SORCS3: variants seen among roughly 807,000 people sequenced by gnomAD.
SORCS3 encodes VPS10 domain-containing receptor SorCS3.
Under a neutral mutation model 146.3 loss-of-function variants are expected in SORCS3, and 57 were observed. The observed-to-expected ratio is 0.39, with a 90% CI of 0.31 to 0.49. The LOEUF is 0.49. Ranked by LOEUF, SORCS3 falls within the 20% of genes least tolerant of loss-of-function variation. SORCS3 has a pLI of 0.92. For synonymous variants in SORCS3, 653 were observed against 618.5 expected (o/e 1.06, Z -0.83); for missense variants, 1,341 against 1,575.5 (o/e 0.85, Z 2.52).
At chr10:105,007,559 G>C (rs1330788000) in intron 4 of SORCS3, among the ~76,000 whole-genome samples, 1 of 152,108 alleles carries the variant, frequency 6.6e-6, no homozygotes, top group Non-Finnish European at 1.5e-5. Context: ...TTGTGAGAGG[G>C]AAGAAAGTGA....
intron 1 of SORCS3, among the ~76,000 whole-genome samples, chr10:104,777,905 A>G (rs979389441): frequency 2.0e-5 from 3 of 152,136 alleles, no homozygotes; most frequent in Non-Finnish European, 4.4e-5. Flanking sequence ...ATCAATTTTT[A>G]CTGGGGTGAG....
chr10:104,801,646 G>A (rs2017625332), intron 1 of SORCS3, among the ~76,000 whole-genome samples: 1 of 152,008 alleles, frequency 6.6e-6, no homozygotes, highest in Non-Finnish European at 1.5e-5. Flanking sequence ...GTAAGATATG[G>A]ATCTGTTGCT....
At chr10:105,252,068 T>G (rs1203691610) in intron 22 of SORCS3, among the ~76,000 whole-genome samples, 1 of 152,196 alleles carries the variant, frequency 6.6e-6, no homozygotes, top group Non-Finnish European at 1.5e-5. Context: ...TACTGGAGGT[T>G]TTCCCCTTTA....
At chr10:104,646,766 A>G (rs767173615) in intron 1 of SORCS3, among the ~76,000 whole-genome samples, 15 of 152,016 alleles carry the variant, frequency 9.9e-5, no homozygotes, top group Non-Finnish European at 1.8e-4. Context: ...CTTGTGGAGG[A>G]GGAGGTGGGA....
Position 104,898,522 on chromosome 10 carries a change from C to A in SORCS3, c.696-17311C>A, listed in dbSNP as rs371985903. 7.9e-5 allele frequency among the ~76,000 whole-genome samples: 12 copies of A among 152,308 alleles called. No homozygotes were observed. The East Asian group carries it at 1.7e-3, about 22-fold the overall frequency. The stretch of plus-strand genomic sequence containing the variant: ...CTAATTTCAAAACCCTGGAACCTCA[C>A]TGTTATATTCCTGTGGCAGGGACTG... On this transcript the variant is annotated intron_variant, in intron 2 of 26. Coordinates refer to ENST00000369701, the MANE Select transcript of SORCS3 (RefSeq NM_014978.3).
At chr10:105,018,836 T>C (rs11598106) in intron 4 of SORCS3, among the ~76,000 whole-genome samples, 25,852 of 152,018 alleles carry the variant, frequency 0.17, 2,355 homozygotes, top group Middle Eastern at 0.21. Context: ...CTCAAACTTA[T>C]ATTATTGGTT....
intron 2 of SORCS3, among the ~76,000 whole-genome samples, chr10:104,875,736 A>C (rs1398510232): frequency 1.3e-5 from 2 of 152,142 alleles, no homozygotes; most frequent in Admixed American, 6.5e-5. Flanking sequence ...AGATGGTCTC[A>C]TGGGCTCAAT....
chr10:104,646,080 A>G (rs1023064787), intron 1 of SORCS3, among the ~76,000 whole-genome samples: 5 of 152,240 alleles, frequency 3.3e-5, no homozygotes, highest in African/African-American at 4.8e-5. Context: ...TAGCTGGGAA[A>G]TGCATGGGGA....
At chr10:105,167,621 G>A (rs2056324826) in intron 13 of SORCS3, among the ~76,000 whole-genome samples, 1 of 152,138 alleles carries the variant, frequency 6.6e-6, no homozygotes, top group South Asian at 2.1e-4. Context: ...TGCAGTTCAA[G>A]TAGCCAAGAT....
intron 1 of SORCS3, among the ~76,000 whole-genome samples, chr10:104,758,519 C>A (rs1317840402): frequency 9.2e-5 from 14 of 152,090 alleles, no homozygotes; most frequent in Non-Finnish European, 2.1e-4. Context: ...TGTCTAACTT[C>A]TCATTTTGCA....
intron 1 of SORCS3, among the ~76,000 whole-genome samples, chr10:104,676,510 A>G (rs2015914941): frequency 6.6e-6 from 1 of 152,256 alleles, no homozygotes; most frequent in Non-Finnish European, 1.5e-5. Flanking sequence ...GTAAAGGAGT[A>G]TGTAAAATAG....
rs116984041 is a variant in SORCS3, at chr10:104,677,186, A to T, written c.627+35232A>T. 2.5e-3 allele frequency among the ~76,000 whole-genome samples: 385 copies of T among 152,274 alleles called. 8 individuals carry two copies. In the South Asian group the frequency reaches 0.029, roughly 11 times the overall value. On this transcript the variant is annotated intron_variant, in intron 1 of 26. Coordinates refer to ENST00000369701, the MANE Select transcript of SORCS3 (RefSeq NM_014978.3). The stretch of plus-strand genomic sequence containing the variant: ...ACCTTTTGTGGTGACAGTCACATTT[A>T]TCTCCTGTGGCTGTGGACTCCATTT...
intron 3 of SORCS3, among the ~76,000 whole-genome samples, chr10:104,976,354 C>T (rs575763142): frequency 3.3e-5 from 5 of 152,270 alleles, no homozygotes; most frequent in African/African-American, 1.2e-4. Context: ...ATCAAAACCA[C>T]AATGAGATAC....
intron 14 of SORCS3, among the ~76,000 whole-genome samples, chr10:105,198,598 C>T (rs937260202): frequency 6.6e-6 from 1 of 152,160 alleles, no homozygotes; most frequent in African/African-American, 2.4e-5. Flanking sequence ...TTGGAAACCA[C>T]TGGATTTACC....
intron 1 of SORCS3, among the ~76,000 whole-genome samples, chr10:104,642,547 T>G (rs1264826183): frequency 6.6e-6 from 1 of 151,824 alleles, no homozygotes; most frequent in Non-Finnish European, 1.5e-5. Context: ...GGCCTTCAGG[T>G]AACCCCGGTT....
In SORCS3 at chr10:105,178,966, C is replaced by T. The variant is rs182584598; in HGVS notation, c.2009+793C>T. 2.2e-3 allele frequency among the ~76,000 whole-genome samples: 341 copies of T among 152,274 alleles called. 1 individual carries two copies. The highest frequency in any genetic ancestry group is 7.8e-3 in the African/African-American group (325 of 41,566). ...GGTGGAAGGGTGTATGATCTTCCTA[C>T]GCTTAGGGACACTGCTCTTGTTTTA... On this transcript the variant is annotated intron_variant, in intron 14 of 26. Transcript: ENST00000369701.
At chr10:104,751,757 G>A (rs1238182532) in intron 1 of SORCS3, among the ~76,000 whole-genome samples, 1 of 151,322 alleles carries the variant, frequency 6.6e-6, no homozygotes, top group African/African-American at 2.4e-5. Context: ...ATAGCTCTGT[G>A]TCTGCTCACT....
intron 4 of SORCS3, among the ~76,000 whole-genome samples, chr10:104,984,230 C>A (rs2054949082): frequency 6.6e-6 from 1 of 152,146 alleles, no homozygotes; most frequent in Non-Finnish European, 1.5e-5. Context: ...GAGAACTAGA[C>A]TAAACCAAAT....
chr10:105,248,980 T>C (rs914209724), intron 22 of SORCS3, among the ~76,000 whole-genome samples: 9 of 152,146 alleles, frequency 5.9e-5, no homozygotes, highest in African/African-American at 2.2e-4. Flanking sequence ...CAATGCATAG[T>C]TGGGGAGACA....
Sources: allele counts gnomAD v4.1 joint callset (sites outside exome capture counted in the v4.1 genomes callset), GRCh38; gene constraint gnomAD v4.1.1; transcripts MANE v1.5; gene names NCBI Gene and HGNC (gene_info 2026-07-23, HGNC 2026-07-21).